TFB1M: variants seen among roughly 807,000 people sequenced by gnomAD.
The protein encoded by TFB1M is dimethyladenosine transferase 1, mitochondrial.
TFB1M carries 27 observed loss-of-function variants against 31.1 expected under a neutral mutation model. The observed-to-expected ratio is 0.87, with a 90% confidence interval of 0.64 to 1.20. TFB1M has a LOEUF of 1.20. Ranked by LOEUF, TFB1M falls within the 50% of genes most tolerant of loss-of-function variation. The pLI is 0.00. For synonymous variants in TFB1M, 166 were observed against 151.8 expected, an observed-to-expected ratio of 1.09 and a Z score of -0.69; for missense variants, 394 against 418.7, an observed-to-expected ratio of 0.94 and a Z score of 0.51.
At chr6:155,248,498 A>C in the TFB1M span, among the ~76,000 whole-genome samples, 1 of 152,248 alleles carries the variant, frequency 6.6e-6, no homozygotes, top group South Asian at 2.1e-4. Context: ...GCTGTGAAAC[A>C]GTGCCGCTGG....
the TFB1M span, among the ~76,000 whole-genome samples, chr6:155,236,583 C>T: frequency 6.6e-6 from 1 of 152,016 alleles, no homozygotes; most frequent in South Asian, 2.1e-4. Context: ...GAATTGCTTG[C>T]ACCCGGGAGG....
In TFB1M at chr6:155,285,168, G is replaced by C. The variant is rs1485597432; in HGVS notation, c.656C>G (p.Pro219Arg). ...IFTIPGQAFV[P>R]KPEVDVGVVH... ...TAAGCAGAAACTTACCTCTGGTTTG[G>C]GGACAAAAGCTTGTCCTGGAATCGT... The change falls in exon 5 of 7, where the codon CCC becomes CGC. Residue 219 changes from proline to arginine, a missense_variant. By Grantham distance (103) the Pro-to-Arg change is moderately radical (BLOSUM62 -2). This residue lies in a region of TFB1M where 115 missense variants were observed against 144.1 expected (regional missense o/e 0.80). Transcript: ENST00000367166. The C allele has an allele frequency of 2.5e-5, 41 of 1,613,890 alleles. No homozygotes were observed. The highest frequency in any genetic ancestry group is 3.4e-5 in the Non-Finnish European group (40 of 1,179,854).
the TFB1M span, among the ~76,000 whole-genome samples, chr6:155,236,296 G>A: frequency 4.0e-5 from 6 of 151,878 alleles, no homozygotes; most frequent in Middle Eastern, 3.2e-3. Flanking sequence ...CAGAACGCGA[G>A]CTGTATGAAG....
At chr6:155,250,294 T>C in the TFB1M span, among the ~76,000 whole-genome samples, 1 of 142,600 alleles carries the variant, frequency 7.0e-6, no homozygotes, top group African/African-American at 2.5e-5. Flanking sequence ...ATTTTGCCTT[T>C]TTTTTTTTTT....
chr6:155,309,342 A>G (rs867070603), intron 2 of TFB1M, among the ~76,000 whole-genome samples: 1 of 152,232 alleles, frequency 6.6e-6, no homozygotes, highest in African/African-American at 2.4e-5. Flanking sequence ...ACAGACACAC[A>G]TTTCTACCCT....
chr6:155,303,423 T>G (rs1777523337), intron 2 of TFB1M: 1 of 152,270 alleles, frequency 6.6e-6, no homozygotes, highest in Non-Finnish European at 1.5e-5. Flanking sequence ...CAACTGTTAC[T>G]TCTTACAGTT....
At chr6:155,243,511 C>T in the TFB1M span, among the ~76,000 whole-genome samples, 1 of 152,264 alleles carries the variant, frequency 6.6e-6, no homozygotes. Context: ...ATATTAAACT[C>T]TTTGAATTAG....
Position 155,266,846 on chromosome 6 carries a change from CAAAAAAAAAAAAA to C in TFB1M, c.667-6459_667-6447del, listed in dbSNP as rs1213939199. 9.5e-5 allele frequency among the ~76,000 whole-genome samples: 6 copies of C among 62,832 alleles called. No homozygotes were observed. The Admixed American group carries it at 1.4e-3, about 14-fold the overall frequency. The allele number at this position is 62,832 out of a possible 152,430, so 41.2% of individuals were successfully genotyped here. A position where few individuals can be genotyped will look rare whatever the true frequency, so the allele number is the denominator to read the frequency against. ...TGGGCGACAGAGCGAGACTCCGTCT[CAAAAAAAAAAAAA>C]AAAAAAAAAAAAAGAATGACCAAAT... On this transcript the variant is annotated intron_variant, in intron 5 of 6. Coordinates refer to ENST00000367166, the MANE Select transcript of TFB1M (RefSeq NM_016020.4).
chr6:155,280,555 C>T (rs993750105), intron 5 of TFB1M, among the ~76,000 whole-genome samples: 1 of 152,158 alleles, frequency 6.6e-6, no homozygotes, highest in Non-Finnish European at 1.5e-5. Flanking sequence ...CTCCTGAGGG[C>T]CCTTGTCAAT....
the TFB1M span, among the ~76,000 whole-genome samples, chr6:155,243,846 C>CAAAAAAAAAAA: frequency 1.4e-3 from 75 of 55,052 alleles, 3 homozygotes; most frequent in African/African-American, 5.9e-3. Flanking sequence ...GACTCCGTCT[C>CAAAAAAAAAAA]AAAAAAAAAA....
intron 5 of TFB1M, among the ~76,000 whole-genome samples, chr6:155,274,931 C>T (rs1221017120): frequency 6.6e-6 from 1 of 152,166 alleles, no homozygotes; most frequent in African/African-American, 2.4e-5. Flanking sequence ...AAAATAAAAT[C>T]ATTTGGGCGA....
At chr6:155,264,856 T>C (rs1583312874) in intron 5 of TFB1M, among the ~76,000 whole-genome samples, 1 of 152,350 alleles carries the variant, frequency 6.6e-6, no homozygotes, top group East Asian at 1.9e-4. Context: ...AAATTACACC[T>C]ATTAGTAATA....
downstream of TFB1M, chr6:155,253,157 A>C (rs1426840469): frequency 3.2e-6 from 3 of 947,870 alleles, no homozygotes; most frequent in Non-Finnish European, 4.8e-6. Flanking sequence ...GGTGCCTTTT[A>C]TTTTATAGAC....
the TFB1M span, among the ~76,000 whole-genome samples, chr6:155,231,130 CTG>C: frequency 6.6e-6 from 1 of 152,200 alleles, no homozygotes; most frequent in African/African-American, 2.4e-5. Flanking sequence ...GCGTGAGCCA[CTG>C]CACCCGGCCC....
the TFB1M span, among the ~76,000 whole-genome samples, chr6:155,235,150 T>G: frequency 6.6e-6 from 1 of 152,188 alleles, no homozygotes; most frequent in Non-Finnish European, 1.5e-5. Context: ...TGGAGAGTCA[T>G]GGTAAAGCTG....
the TFB1M span, among the ~76,000 whole-genome samples, chr6:155,241,140 C>G: frequency 6.6e-6 from 1 of 152,156 alleles, no homozygotes; most frequent in Non-Finnish European, 1.5e-5. Context: ...TGGTTGTCAT[C>G]GTGTAGAACT....
chr6:155,283,127 C>T lies in TFB1M; in HGVS notation c.666+2031G>A, dbSNP rs776672499. On this transcript the variant is annotated intron_variant, in intron 5 of 6. Transcript: ENST00000367166. ...TCTGCTTTGCCCTAATATGGTAAAA[C>T]TACTTCAAAGCAGCAGAGAATTCTT... Among the ~76,000 whole-genome samples the T allele has an allele frequency of 3.3e-5, 5 of 152,130 alleles. No individual in the cohort carries two copies. In the South Asian group the frequency reaches 1.0e-3, roughly 32 times the overall value.
chr6:155,283,147 A>C, intron 5 of TFB1M, among the ~76,000 whole-genome samples: 1 of 152,088 alleles, frequency 6.6e-6, no homozygotes, highest in East Asian at 1.9e-4. Flanking sequence ...GCAGCAGAGA[A>C]TTCTTTTAGA....
intron 2 of TFB1M, among the ~76,000 whole-genome samples, chr6:155,305,860 C>T (rs1777741952): frequency 6.9e-6 from 1 of 145,596 alleles, no homozygotes; most frequent in African/African-American, 2.5e-5. Flanking sequence ...GAAGAAAAAA[C>T]TGATAAATTG....
Sources: gnomAD v4.1 joint callset for allele counts (sites outside exome capture counted in the v4.1 genomes callset) on GRCh38, gnomAD v4.1.1 for gene constraint, gnomAD v4.1.1 regional missense constraint, MANE v1.5 for transcripts, NCBI Gene and HGNC (gene_info 2026-07-23, HGNC 2026-07-21) for gene names.